Variants in SGCZ observed in about 807,000 individuals in gnomAD.
SGCZ encodes the protein sarcoglycan zeta.
In SGCZ, 40 loss-of-function variants were observed where a neutral mutation model predicts 41.3. The observed-to-expected ratio is 0.97, with a 90% CI of 0.75 to 1.26. SGCZ has a LOEUF of 1.26. Ranked by LOEUF, SGCZ falls within the 50% of genes most tolerant of loss-of-function variation. The pLI is 0.00. For synonymous variants in SGCZ, 206 were observed against 137.5 expected, an observed-to-expected ratio of 1.50 and a Z score of -3.49; for missense variants, 552 against 369.8, an observed-to-expected ratio of 1.49 and a Z score of -4.04.
chr8:14,322,291 G>T (rs745347493), intron 3 of SGCZ, among the ~76,000 whole-genome samples: 1 of 152,182 alleles, frequency 6.6e-6, no homozygotes, highest in African/African-American at 2.4e-5. Flanking sequence ...GACACAGGAA[G>T]GACCAGCATC....
At chr8:14,421,637 A>G (rs1799640203) in intron 2 of SGCZ, among the ~76,000 whole-genome samples, 1 of 152,080 alleles carries the variant, frequency 6.6e-6, no homozygotes, top group African/African-American at 2.4e-5. Context: ...GATGTGGTTT[A>G]CTCTGCTGAG....
chr8:14,434,843 C>CG (rs1446244555), intron 2 of SGCZ, among the ~76,000 whole-genome samples: 2 of 152,072 alleles, frequency 1.3e-5, no homozygotes, highest in Non-Finnish European at 2.9e-5. Flanking sequence ...GTAGGACAAT[C>CG]GCTTGAGCCT....
chr8:14,466,516 G>C (rs190735420), intron 2 of SGCZ, among the ~76,000 whole-genome samples: 131 of 152,040 alleles, frequency 8.6e-4, no homozygotes, highest in Non-Finnish European at 1.6e-3. Context: ...TGAAAATTCA[G>C]TGTCATTATT....
chr8:15,042,454 T>C (rs143968758), intron 1 of SGCZ, among the ~76,000 whole-genome samples: 1 of 152,320 alleles, frequency 6.6e-6, no homozygotes, highest in East Asian at 1.9e-4. Flanking sequence ...TAGACCCCAC[T>C]GTGCCACAAA....
In SGCZ at chr8:14,574,657, T is replaced by C. The variant is rs539168116; in HGVS notation, c.40-19731A>G. Among the ~76,000 whole-genome samples, 15 of 152,322 alleles carry C rather than the reference T, an allele frequency of 9.8e-5. No homozygotes were observed. The South Asian group carries it at 2.9e-3, about 29-fold the overall frequency. ...GAATAAAATCAGAATACTTACACTG[T>C]ATCTTTGGGGCTTCAATCTGAACAC... On this transcript the variant is annotated intron_variant, in intron 1 of 7. Coordinates refer to ENST00000382080, the MANE Select transcript of SGCZ (RefSeq NM_139167.4).
At chr8:15,056,698 A>G (rs1460719351) in intron 1 of SGCZ, among the ~76,000 whole-genome samples, 1 of 152,178 alleles carries the variant, frequency 6.6e-6, no homozygotes, top group Non-Finnish European at 1.5e-5. Context: ...GATTTTGCAC[A>G]AATGGTTGTA....
At chr8:14,706,545 T>G (rs1359170020) in intron 1 of SGCZ, among the ~76,000 whole-genome samples, 1 of 152,120 alleles carries the variant, frequency 6.6e-6, no homozygotes, top group Non-Finnish European at 1.5e-5. Flanking sequence ...CCAAGTTGAA[T>G]AGGACATTAG....
intron 2 of SGCZ, among the ~76,000 whole-genome samples, chr8:14,418,221 T>C (rs1322398312): frequency 6.6e-6 from 1 of 151,936 alleles, no homozygotes; most frequent in Non-Finnish European, 1.5e-5. Flanking sequence ...GTTGTCACTT[T>C]AAAGTATTCT....
At chr8:14,424,330 T>C (rs1489174516) in intron 2 of SGCZ, among the ~76,000 whole-genome samples, 1 of 152,182 alleles carries the variant, frequency 6.6e-6, no homozygotes, top group Non-Finnish European at 1.5e-5. Flanking sequence ...TCAAGTATTA[T>C]GGATTAAAAA....
At chr8:14,812,728 C>A (rs149497114) in intron 1 of SGCZ, among the ~76,000 whole-genome samples, 4 of 152,192 alleles carry the variant, frequency 2.6e-5, no homozygotes, top group Non-Finnish European at 5.9e-5. Context: ...TTTAAATGAC[C>A]ATTCTTCATT....
At chr8:15,030,769 C>A (rs1201818837) in intron 1 of SGCZ, among the ~76,000 whole-genome samples, 1 of 151,980 alleles carries the variant, frequency 6.6e-6, no homozygotes, top group South Asian at 2.1e-4. Flanking sequence ...GCGGAGGTAA[C>A]CCACAAAACC....
At chr8:14,731,261 C>A (rs1415583487) in intron 1 of SGCZ, among the ~76,000 whole-genome samples, 1 of 149,456 alleles carries the variant, frequency 6.7e-6, no homozygotes, top group Non-Finnish European at 1.5e-5. Flanking sequence ...TGGAAACCAT[C>A]ATTCTCAGCA....
At chr8:14,659,214 T>A (rs903371610) in intron 1 of SGCZ, among the ~76,000 whole-genome samples, 1 of 152,150 alleles carries the variant, frequency 6.6e-6, no homozygotes, top group Non-Finnish European at 1.5e-5. Context: ...AACAACGTAG[T>A]ATATACTTCA....
intron 2 of SGCZ, among the ~76,000 whole-genome samples, chr8:14,520,017 T>A (rs534174191): frequency 1.2e-4 from 18 of 152,204 alleles, no homozygotes; most frequent in Admixed American, 1.3e-4. Context: ...AACTTTTTTT[T>A]AAAAATGATA....
intron 1 of SGCZ, among the ~76,000 whole-genome samples, chr8:14,638,778 C>T (rs1009151283): frequency 2.6e-5 from 4 of 151,786 alleles, no homozygotes; most frequent in African/African-American, 9.7e-5. Flanking sequence ...GGTTAGCTAA[C>T]ATTTCAGTCT....
At chr8:14,264,887 C>T (rs1257290671) in intron 3 of SGCZ, among the ~76,000 whole-genome samples, 2 of 152,028 alleles carry the variant, frequency 1.3e-5, no homozygotes, top group Non-Finnish European at 1.5e-5. Flanking sequence ...GGCGTGAACC[C>T]GGGAGGCGGA....
Position 14,623,370 on chromosome 8 carries a change from CTT to C in SGCZ, c.40-68446_40-68445del, listed in dbSNP as rs926761389. 5.9e-5 allele frequency among the ~76,000 whole-genome samples: 9 copies of C among 152,302 alleles called. No homozygotes were observed. In the South Asian group the frequency reaches 1.7e-3, roughly 28 times the overall value. ...ATTTTTGTAATTAAAAGGAACATCT[CTT>C]TGCGTGAAGCAAAAAGCATCCAGAG... On this transcript the variant is annotated intron_variant, in intron 1 of 7. Transcript: ENST00000382080.
intron 1 of SGCZ, among the ~76,000 whole-genome samples, chr8:14,666,992 T>G (rs1231123534): frequency 6.6e-6 from 1 of 152,122 alleles, no homozygotes; most frequent in East Asian, 1.9e-4. Context: ...TAAGAATCGC[T>G]AATGAGCATA....
At chr8:14,878,249 T>G (rs1055126947) in intron 1 of SGCZ, among the ~76,000 whole-genome samples, 1 of 151,912 alleles carries the variant, frequency 6.6e-6, no homozygotes, top group East Asian at 1.9e-4. Flanking sequence ...AAAAGACAAT[T>G]CGACACTTAC....
Sources: allele counts gnomAD v4.1 joint callset (sites outside exome capture counted in the v4.1 genomes callset), GRCh38; gene constraint gnomAD v4.1.1; transcripts MANE v1.5; gene names NCBI Gene and HGNC (gene_info 2026-07-23, HGNC 2026-07-21).